PTPRN2: variants seen among roughly 807,000 people sequenced by gnomAD.
PTPRN2 encodes the protein receptor-type tyrosine-protein phosphatase N2.
A neutral mutation model predicts 118.8 loss-of-function variants in PTPRN2; 74 were observed. The ratio of observed to expected loss-of-function variants is 0.62; its 90% CI spans 0.52 to 0.76. PTPRN2 has a LOEUF of 0.76. Ranked by LOEUF, PTPRN2 falls within the 30% of genes least tolerant of loss-of-function variation. The pLI is 0.00. For missense variants in PTPRN2, 1,481 were observed against 1,394.4 expected, an observed-to-expected ratio of 1.06 and a Z score of -0.99; for synonymous variants, 641 against 608.0, an observed-to-expected ratio of 1.05 and a Z score of -0.80.
At position 157,571,539 on chromosome 7, in the gene PTPRN2, T is replaced by C. The variant is rs561973559; in HGVS notation, c.2784-46A>G. The C allele has an allele frequency of 2.6e-4, 374 of 1,435,586 alleles. 2 individuals carry two copies. The South Asian group carries it at 4.4e-3, about 17-fold the overall frequency. The allele number at this position is 1,435,586 out of a possible 1,614,324, so 88.9% of individuals were successfully genotyped here. On this transcript the variant is annotated intron_variant, in intron 19 of 22. Coordinates refer to ENST00000389418, the MANE Select transcript of PTPRN2 (RefSeq NM_002847.5). ...AAAATTATCGTTGTGTACTAAGACTTTGCGTTATCCAAAACAACTATTAAA... is the reference window on the plus strand; with the variant it reads ...AAAATTATCGTTGTGTACTAAGACTCTGCGTTATCCAAAACAACTATTAAA...
intron 12 of PTPRN2, among the ~76,000 whole-genome samples, chr7:157,758,463 C>T (rs949440358): frequency 6.6e-6 from 1 of 152,214 alleles, no homozygotes; most frequent in Non-Finnish European, 1.5e-5. Context: ...GGACGCGGGC[C>T]CCAGACCGTG....
chr7:158,021,091 G>C (rs1156688457), intron 11 of PTPRN2, among the ~76,000 whole-genome samples: 1 of 152,176 alleles, frequency 6.6e-6, no homozygotes, highest in Admixed American at 6.5e-5. Flanking sequence ...GCTTTACCAA[G>C]ACAAACACAC....
chr7:157,759,109 GC>G (rs1284552668), intron 12 of PTPRN2, among the ~76,000 whole-genome samples: 1 of 152,210 alleles, frequency 6.6e-6, no homozygotes, highest in Non-Finnish European at 1.5e-5. Context: ...GTCCTGTGAA[GC>G]CCTTCAGACC....
intron 14 of PTPRN2, among the ~76,000 whole-genome samples, chr7:157,630,451 C>T (rs748072120): frequency 2.0e-5 from 3 of 152,188 alleles, no homozygotes; most frequent in Non-Finnish European, 2.9e-5. Context: ...ATGCCCACAA[C>T]GTGAGGCGGC....
intron 4 of PTPRN2, among the ~76,000 whole-genome samples, chr7:158,195,061 T>C (rs570396687): frequency 1.3e-5 from 2 of 152,356 alleles, no homozygotes; most frequent in South Asian, 4.1e-4. Flanking sequence ...TGTTCTCTCA[T>C]TGGTTTCCAT....
intron 1 of PTPRN2, among the ~76,000 whole-genome samples, chr7:158,586,314 T>A (rs1230684484): frequency 1.3e-5 from 2 of 152,236 alleles, no homozygotes; most frequent in East Asian, 3.9e-4. Flanking sequence ...CTCCTGGTTC[T>A]CTGCAGTTTT....
At chr7:158,189,199 C>T (rs923563563) in intron 5 of PTPRN2, among the ~76,000 whole-genome samples, 1 of 152,226 alleles carries the variant, frequency 6.6e-6, no homozygotes, top group East Asian at 1.9e-4. Context: ...GCTTGGCCGA[C>T]CTCACGTCTG....
intron 3 of PTPRN2, among the ~76,000 whole-genome samples, chr7:158,270,112 G>T (rs1399475349): frequency 6.6e-6 from 1 of 152,198 alleles, no homozygotes; most frequent in Non-Finnish European, 1.5e-5. Context: ...GTGGAGGGGA[G>T]CCCAGAGCTG....
intron 11 of PTPRN2, among the ~76,000 whole-genome samples, chr7:158,047,486 G>A (rs749976600): frequency 6.6e-6 from 1 of 152,194 alleles, no homozygotes; most frequent in Non-Finnish European, 1.5e-5. Context: ...AGCGTGTGAG[G>A]CCTGCCTGCA....
chr7:158,391,040 G>A (rs933478747), intron 2 of PTPRN2, among the ~76,000 whole-genome samples: 5 of 152,136 alleles, frequency 3.3e-5, no homozygotes, highest in African/African-American at 1.2e-4. Context: ...TCGAGGGGTG[G>A]AAATCATCCT....
At chr7:158,309,791 G>T (rs934290756) in intron 3 of PTPRN2, among the ~76,000 whole-genome samples, 3 of 152,188 alleles carry the variant, frequency 2.0e-5, no homozygotes, top group African/African-American at 7.2e-5. Flanking sequence ...GAATACACAT[G>T]CTATGATACA....
At chr7:158,321,520 C>A (rs899684603) in intron 2 of PTPRN2, among the ~76,000 whole-genome samples, 1 of 152,248 alleles carries the variant, frequency 6.6e-6, no homozygotes, top group African/African-American at 2.4e-5. Context: ...GAGCTCCCAG[C>A]TGGAAGTGCA....
chr7:158,024,969 C>A (rs1280055930), intron 11 of PTPRN2, among the ~76,000 whole-genome samples: 1 of 152,116 alleles, frequency 6.6e-6, no homozygotes, highest in East Asian at 1.9e-4. Flanking sequence ...TCCTTGTCTG[C>A]TTGATTGTGG....
At chr7:158,097,805 T>A (rs1814761892) in intron 10 of PTPRN2, among the ~76,000 whole-genome samples, 1 of 152,268 alleles carries the variant, frequency 6.6e-6, no homozygotes, top group Non-Finnish European at 1.5e-5. Flanking sequence ...ATGGGATTTA[T>A]GTGACAGCTA....
At chr7:158,482,085 C>T (rs1319718170) in intron 2 of PTPRN2, among the ~76,000 whole-genome samples, 1 of 152,160 alleles carries the variant, frequency 6.6e-6, no homozygotes, top group African/African-American at 2.4e-5. Context: ...GCCACAATCT[C>T]ATGATAAAAC....
At chr7:158,084,946 C>CAG (rs1813170850) in intron 10 of PTPRN2, among the ~76,000 whole-genome samples, 1 of 144,648 alleles carries the variant, frequency 6.9e-6, no homozygotes, top group African/African-American at 2.6e-5. Flanking sequence ...GACGCCCATC[C>CAG]ACACCCACGA....
chr7:157,814,532 G>A (rs192768884), intron 12 of PTPRN2, among the ~76,000 whole-genome samples: 1 of 146,902 alleles, frequency 6.8e-6, no homozygotes, highest in African/African-American at 2.5e-5. Context: ...GGACAGGCGG[G>A]GGCAGGACAG....
At chr7:158,233,566 C>T (rs947955919) in intron 3 of PTPRN2, among the ~76,000 whole-genome samples, 2 of 152,072 alleles carry the variant, frequency 1.3e-5, no homozygotes, top group African/African-American at 4.8e-5. Context: ...TGGCTGTAGA[C>T]ATCAGTGTAG....
At chr7:157,776,796 T>C (rs1476035546) in intron 12 of PTPRN2, among the ~76,000 whole-genome samples, 1 of 114,682 alleles carries the variant, frequency 8.7e-6, no homozygotes, top group African/African-American at 3.5e-5. Context: ...CCTCTCCTCC[T>C]CCCTTTCCTC....
Sources: allele counts gnomAD v4.1 joint callset (sites outside exome capture counted in the v4.1 genomes callset), GRCh38; gene constraint gnomAD v4.1.1; transcripts MANE v1.5; gene names NCBI Gene and HGNC (gene_info 2026-07-23, HGNC 2026-07-21).